The following AP3S1 variants were observed in gnomAD, a reference collection of about 807,000 sequenced individuals.
AP3S1 encodes adaptor related protein complex 3 subunit sigma 1.
Under a neutral mutation model 21.3 loss-of-function variants are expected in AP3S1, and 12 were observed. The ratio of observed to expected loss-of-function variants is 0.56; its 90% CI spans 0.36 to 0.91. The LOEUF (loss-of-function observed/expected upper bound fraction) is 0.91. Among genes scored for constraint, AP3S1 ranks in the 40% least tolerant of loss-of-function variants. AP3S1 has a pLI of 0.01. For synonymous variants in AP3S1, 48 were observed against 78.4 expected (o/e 0.61, Z 2.05); for missense variants, 116 against 225.0 (o/e 0.52, Z 3.10).
At chr5:115,907,362 G>T (rs1307601553) in intron 5 of AP3S1, among the ~76,000 whole-genome samples, 2 of 151,998 alleles carry the variant, frequency 1.3e-5, no homozygotes, top group African/African-American at 2.4e-5. Flanking sequence ...ATACAAAATG[G>T]GAAGCAGTGA....
chr5:115,868,693 G>A (rs981796202), intron 2 of AP3S1, among the ~76,000 whole-genome samples: 1 of 151,762 alleles, frequency 6.6e-6, no homozygotes, highest in Non-Finnish European at 1.5e-5. Flanking sequence ...ACCAGCCTGG[G>A]CAACATGGTG....
intron 3 of AP3S1, among the ~76,000 whole-genome samples, chr5:115,892,128 A>G (rs116058345): frequency 0.033 from 4,957 of 152,280 alleles, 291 homozygotes; most frequent in African/African-American, 0.11. Flanking sequence ...ATCTCATTCC[A>G]GTTAAAATGG....
intron 1 of AP3S1, among the ~76,000 whole-genome samples, chr5:115,847,281 A>G (rs1171071743): frequency 4.6e-5 from 7 of 152,218 alleles, no homozygotes; most frequent in Non-Finnish European, 1.0e-4. Context: ...GTGGGTAGGC[A>G]AACAAGGGTC....
At chr5:115,865,654 A>G (rs949290418) in intron 1 of AP3S1, among the ~76,000 whole-genome samples, 6 of 152,280 alleles carry the variant, frequency 3.9e-5, no homozygotes, top group African/African-American at 1.4e-4. Context: ...ATGTGGAGCT[A>G]TCTCATTGTT....
chr5:115,863,775 C>T (rs906606239), intron 1 of AP3S1, among the ~76,000 whole-genome samples: 2 of 151,980 alleles, frequency 1.3e-5, no homozygotes, highest in African/African-American at 2.4e-5. Flanking sequence ...TAACATAAAG[C>T]ATAAGGAAGG....
chr5:115,893,212 G>A (rs996018279), intron 3 of AP3S1, among the ~76,000 whole-genome samples: 1 of 152,130 alleles, frequency 6.6e-6, no homozygotes, highest in Non-Finnish European at 1.5e-5. Flanking sequence ...GATGGTGGAA[G>A]TGCCCCCAAG....
At chr5:115,846,251 C>T (rs1762055653) in intron 1 of AP3S1, among the ~76,000 whole-genome samples, 1 of 152,208 alleles carries the variant, frequency 6.6e-6, no homozygotes, top group Admixed American at 6.5e-5. Context: ...TCAAACACTC[C>T]TCCAGCTTTG....
chr5:115,905,852 G>T (rs188960610), intron 5 of AP3S1, among the ~76,000 whole-genome samples: 34 of 152,158 alleles, frequency 2.2e-4, no homozygotes, highest in African/African-American at 7.2e-4. Context: ...ATTATATAAG[G>T]ACAAACTTAA....
chr5:115,903,112 T>C, intron 5 of AP3S1, 120 bp downstream of exon 5: 5 of 720,006 alleles, frequency 6.9e-6, no homozygotes, highest in South Asian at 3.3e-5. Flanking sequence ...GTTATGCTTA[T>C]TCAGTTTTTA....
At chr5:115,906,534 T>C (rs1254384768) in intron 5 of AP3S1, among the ~76,000 whole-genome samples, 1 of 152,036 alleles carries the variant, frequency 6.6e-6, no homozygotes, top group Non-Finnish European at 1.5e-5. Context: ...AGAAAAATGG[T>C]TTACTATAAC....
At chr5:115,889,859 C>T (rs1561512185) in intron 3 of AP3S1, among the ~76,000 whole-genome samples, 1 of 151,966 alleles carries the variant, frequency 6.6e-6, no homozygotes, top group African/African-American at 2.4e-5. Flanking sequence ...AAATCTTGAA[C>T]AGGCATTATG....
chr5:115,911,473 C>G (rs150777376), intron 5 of AP3S1, among the ~76,000 whole-genome samples: 1 of 151,876 alleles, frequency 6.6e-6, no homozygotes, highest in Non-Finnish European at 1.5e-5. Flanking sequence ...TATGGAAATT[C>G]CTAAGTAAAA....
intron 5 of AP3S1, among the ~76,000 whole-genome samples, chr5:115,911,681 G>A (rs1238960015): frequency 6.6e-6 from 1 of 151,738 alleles, no homozygotes; most frequent in Middle Eastern, 3.2e-3. Context: ...TCTAAATTTT[G>A]GTAGCTAGAC....
chr5:115,845,488 C>G (rs1761987042), intron 1 of AP3S1, among the ~76,000 whole-genome samples: 1 of 152,086 alleles, frequency 6.6e-6, no homozygotes, highest in Non-Finnish European at 1.5e-5. Context: ...AGTTGCGCAC[C>G]TGTTTTGCTA....
intron 1 of AP3S1, among the ~76,000 whole-genome samples, chr5:115,849,248 A>T (rs954563987): frequency 1.1e-4 from 17 of 152,224 alleles, no homozygotes; most frequent in African/African-American, 4.1e-4. Flanking sequence ...GACAAATGAA[A>T]CAGTATAAGG....
In AP3S1 at chr5:115,842,388, C is replaced by A. The variant is rs539296784; in HGVS notation, c.69+282C>A. 9.5e-4 allele frequency: 318 copies of A among 333,364 alleles called. 1 individual carries two copies. The highest frequency in any genetic ancestry group is 4.3e-4 in the Non-Finnish European group (81 of 186,262). The allele number at this position is 333,364 out of a possible 1,614,324, so 20.7% of individuals were successfully genotyped here. ...GCGCGGGCGAGGCCCTGGAGACTTC[C>A]CGGGGCCCGGCCCTCGCCGATCGGG... On this transcript the variant is annotated intron_variant, in intron 1 of 5. Transcript: ENST00000316788.
chr5:115,871,827 A>T (rs540734923), intron 3 of AP3S1, among the ~76,000 whole-genome samples: 3 of 152,288 alleles, frequency 2.0e-5, no homozygotes, highest in African/African-American at 7.2e-5. Flanking sequence ...CTACTCATAC[A>T]GTCTCCTCTC....
chr5:115,860,333 A>G (rs1763083309), intron 1 of AP3S1, among the ~76,000 whole-genome samples: 1 of 152,226 alleles, frequency 6.6e-6, no homozygotes, highest in African/African-American at 2.4e-5. Context: ...GGCATTTGTC[A>G]TGTTAACCAC....
intron 3 of AP3S1, among the ~76,000 whole-genome samples, chr5:115,879,893 G>C (rs1440280956): frequency 1.3e-5 from 2 of 152,122 alleles, no homozygotes; most frequent in Non-Finnish European, 2.9e-5. Flanking sequence ...CTTGTTATTG[G>C]TCTGGTTCAG....
Sources: gnomAD v4.1 joint callset for allele counts (sites outside exome capture counted in the v4.1 genomes callset) on GRCh38, gnomAD v4.1.1 for gene constraint, MANE v1.5 for transcripts, NCBI Gene and HGNC (gene_info 2026-07-23, HGNC 2026-07-21) for gene names.